The following SH3BGRL2 variants were observed in gnomAD, a reference collection of about 807,000 sequenced individuals.
The protein encoded by SH3BGRL2 is SH3 domain-binding glutamic acid-rich-like protein 2.
A neutral mutation model predicts 14.8 loss-of-function variants in SH3BGRL2; 21 were observed. The observed-to-expected ratio is 1.42, with a 90% CI of 1.01 to 2.05. The LOEUF (loss-of-function observed/expected upper bound fraction) is 2.05, where lower values mean the gene tolerates loss of function less well. SH3BGRL2 is among the 30% of genes most tolerant of loss of function. The pLI is 0.00. For missense variants in SH3BGRL2, 147 were observed against 130.8 expected, an observed-to-expected ratio of 1.12 and a Z score of -0.61; for synonymous variants, 50 against 47.8, an observed-to-expected ratio of 1.05 and a Z score of -0.19.
intron 1 of SH3BGRL2, among the ~76,000 whole-genome samples, chr6:79,662,939 G>A (rs541478104): frequency 5.3e-5 from 8 of 151,790 alleles, no homozygotes; most frequent in East Asian, 1.9e-4. Flanking sequence ...TGATCAAATC[G>A]GCTGTTGAAG....
At chr6:79,600,181 GTCAGCTCCTCTTGTGCTAA>G in the SH3BGRL2 span, among the ~76,000 whole-genome samples, 4 of 152,188 alleles carry the variant, frequency 2.6e-5, no homozygotes, top group Non-Finnish European at 5.9e-5. Flanking sequence ...TTTCTTTGCA[GTCAGCTCCTCTTGTGCTAA>G]TTCTGCCCAT....
chr6:79,644,439 C>G (rs948865895), intron 1 of SH3BGRL2, among the ~76,000 whole-genome samples: 2 of 152,140 alleles, frequency 1.3e-5, no homozygotes, highest in African/African-American at 4.8e-5. Context: ...TGTTTACACT[C>G]TTCATCTGTC....
At chr6:79,607,766 G>GA in the SH3BGRL2 span, among the ~76,000 whole-genome samples, 1 of 152,046 alleles carries the variant, frequency 6.6e-6, no homozygotes, top group Admixed American at 6.6e-5. Context: ...CCAACATGGT[G>GA]AAACCCCGCC....
chr6:79,583,224 T>G, the SH3BGRL2 span, among the ~76,000 whole-genome samples: 1 of 152,230 alleles, frequency 6.6e-6, no homozygotes, highest in East Asian at 1.9e-4. Flanking sequence ...CACAGTGTGG[T>G]GATTCCTCAA....
At chr6:79,626,647 A>T (rs1041698146), upstream of SH3BGRL2, among the ~76,000 whole-genome samples, 1 of 152,232 alleles carries the variant, frequency 6.6e-6, no homozygotes, top group Non-Finnish European at 1.5e-5. Context: ...CTGGATGCCC[A>T]TAGGGCTGTG....
chr6:79,668,668 T>G (rs1188079392), intron 1 of SH3BGRL2, among the ~76,000 whole-genome samples: 2 of 152,096 alleles, frequency 1.3e-5, no homozygotes, highest in African/African-American at 4.8e-5. Context: ...GGAAATACCC[T>G]GAATCTCAAT....
At chr6:79,577,983 C>T in the SH3BGRL2 span, among the ~76,000 whole-genome samples, 324 of 152,346 alleles carry the variant, frequency 2.1e-3, 2 homozygotes, top group African/African-American at 7.3e-3. Flanking sequence ...GTGCCTGGAC[C>T]GGTGGGTCCC....
chr6:79,644,675 A>G (rs942330035), intron 1 of SH3BGRL2, among the ~76,000 whole-genome samples: 1 of 152,158 alleles, frequency 6.6e-6, no homozygotes, highest in South Asian at 2.1e-4. Context: ...GTGGCTGAAC[A>G]TGCCTTTTTA....
intron 1 of SH3BGRL2, among the ~76,000 whole-genome samples, chr6:79,668,539 CA>C (rs1347989866): frequency 2.6e-5 from 4 of 152,108 alleles, no homozygotes; most frequent in African/African-American, 9.6e-5. Flanking sequence ...ATTCAGTGGC[CA>C]ACAAGGCTGC....
At chr6:79,638,080 T>G (rs1158685207) in intron 1 of SH3BGRL2, among the ~76,000 whole-genome samples, 2 of 152,206 alleles carry the variant, frequency 1.3e-5, no homozygotes, top group Admixed American at 6.5e-5. Flanking sequence ...TCAGGGTAAT[T>G]GGCTTATCAG....
At chr6:79,551,724 C>T in the SH3BGRL2 span, among the ~76,000 whole-genome samples, 1 of 152,204 alleles carries the variant, frequency 6.6e-6, no homozygotes, top group East Asian at 1.9e-4. Flanking sequence ...ACACGTGTAA[C>T]ATACCACCCA....
Position 79,631,352 on chromosome 6 carries a change from G to C in SH3BGRL2, c.-110G>C, listed in dbSNP as rs1412188138. ...CCAGATCCCAGCGATCTTCCCCGAC[G>C]GCAGCGCTTTACCCAGAGGCTGCCG... On this transcript the variant is annotated 5_prime_UTR_variant, in exon 1 of 4. Transcript: ENST00000369838. 1.5e-5 allele frequency: 15 copies of C among 1,002,518 alleles called. No individual in the cohort carries two copies. Among genetic ancestry groups the C allele is most frequent in the Non-Finnish European group, 1.8e-5 (13 of 739,756 alleles). The allele number at this position is 1,002,518 out of a possible 1,614,324, so 62.1% of individuals were successfully genotyped here.
chr6:79,625,622 A>G, the SH3BGRL2 span, among the ~76,000 whole-genome samples: 1 of 152,196 alleles, frequency 6.6e-6, no homozygotes, highest in Non-Finnish European at 1.5e-5. Flanking sequence ...CATGAAACAA[A>G]TATTTATAGG....
chr6:79,607,335 C>T, the SH3BGRL2 span, among the ~76,000 whole-genome samples: 3 of 152,158 alleles, frequency 2.0e-5, no homozygotes, highest in Non-Finnish European at 2.9e-5. Context: ...CTATTACACT[C>T]AAAATGCACA....
the SH3BGRL2 span, among the ~76,000 whole-genome samples, chr6:79,596,162 T>C: frequency 1.3e-5 from 2 of 152,212 alleles, no homozygotes; most frequent in African/African-American, 2.4e-5. Context: ...CCTTCTGGGT[T>C]TTTTGGTGGA....
the SH3BGRL2 span, among the ~76,000 whole-genome samples, chr6:79,542,906 C>G: frequency 6.6e-6 from 1 of 152,168 alleles, no homozygotes; most frequent in East Asian, 1.9e-4. Flanking sequence ...AAATCCTCCA[C>G]AAAACTTCTT....
At chr6:79,604,129 G>C in the SH3BGRL2 span, among the ~76,000 whole-genome samples, 1 of 152,112 alleles carries the variant, frequency 6.6e-6, no homozygotes, top group African/African-American at 2.4e-5. Context: ...TGTCTGTAGA[G>C]AAATACTGTT....
the SH3BGRL2 span, among the ~76,000 whole-genome samples, chr6:79,551,854 C>T: frequency 6.6e-6 from 1 of 152,136 alleles, no homozygotes; most frequent in South Asian, 2.1e-4. Context: ...CTTTGGGAGG[C>T]CAAGGTGGGT....
intron 1 of SH3BGRL2, among the ~76,000 whole-genome samples, chr6:79,650,957 A>G (rs1769278968): frequency 6.7e-6 from 1 of 149,980 alleles, no homozygotes; most frequent in Admixed American, 6.7e-5. Context: ...TAAACATATA[A>G]TTATATAACT....
Sources: allele counts gnomAD v4.1 joint callset (sites outside exome capture counted in the v4.1 genomes callset), GRCh38; gene constraint gnomAD v4.1.1; transcripts MANE v1.5; gene names NCBI Gene and HGNC (gene_info 2026-07-23, HGNC 2026-07-21).